WDR70: variants seen among roughly 807,000 people sequenced by gnomAD.
The protein encoded by WDR70 is WD repeat-containing protein 70.
A neutral mutation model predicts 88.6 loss-of-function variants in WDR70; 53 were observed. That is an observed-to-expected ratio of 0.60 (90% CI 0.48 to 0.75). WDR70 has a LOEUF of 0.75. WDR70 is among the 30% of genes least tolerant of loss of function. The probability of loss-of-function intolerance (pLI) is 0.00; values close to 1 mark genes in which losing one functional copy is unlikely to be tolerated. For missense variants in WDR70, 610 were observed against 823.2 expected, an observed-to-expected ratio of 0.74 and a Z score of 3.17; for synonymous variants, 280 against 270.0, an observed-to-expected ratio of 1.04 and a Z score of -0.36.
intron 10 of WDR70, among the ~76,000 whole-genome samples, chr5:37,625,559 CTG>C (rs759847955): frequency 7.9e-5 from 12 of 152,184 alleles, no homozygotes; most frequent in Non-Finnish European, 1.3e-4. Context: ...GAGTGTCACT[CTG>C]TCACTTAGGC....
Position 37,703,055 on chromosome 5 carries a change from C to G in WDR70, c.1384C>G (p.Gln462Glu), listed in dbSNP as rs772517168. 10 of 1,613,310 alleles carry G rather than the reference C, an allele frequency of 6.2e-6. No individual in the cohort carries two copies. The South Asian group carries it at 9.9e-5, about 16-fold the overall frequency. The change falls in exon 13 of 18, where the codon CAA becomes GAA. Residue 462 changes from glutamine (Q) to glutamate (E), a missense_variant. Gln to Glu is a conservative substitution (Grantham distance 29). Transcript: ENST00000265107. ...KLVFFERRTF[Q>E]RVYEIDITDA... ...TGTTTTCTTTGAGCGTAGGACTTTCCAAAGGGTGTATGAAATAGACATCAC... is the reference window on the plus strand; with the variant it reads ...TGTTTTCTTTGAGCGTAGGACTTTCGAAAGGGTGTATGAAATAGACATCAC...
chr5:37,689,970 G>T (rs1388535333), intron 10 of WDR70, among the ~76,000 whole-genome samples: 1 of 152,178 alleles, frequency 6.6e-6, no homozygotes, highest in Non-Finnish European at 1.5e-5. Flanking sequence ...TCGAAAAAAG[G>T]TTAGACGAAT....
chr5:37,560,227 G>T (rs2112373354), intron 9 of WDR70, among the ~76,000 whole-genome samples: 1 of 152,184 alleles, frequency 6.6e-6, no homozygotes, highest in East Asian at 1.9e-4. Context: ...ATTATAAATT[G>T]CTAATGTTGT....
intron 5 of WDR70, among the ~76,000 whole-genome samples, chr5:37,396,998 C>T (rs1749035474): frequency 1.3e-5 from 2 of 152,062 alleles, no homozygotes; most frequent in South Asian, 2.1e-4. Flanking sequence ...AAAAATTAGA[C>T]GGGTGTTATG....
At chr5:37,397,923 G>A (rs1355321888) in intron 5 of WDR70, among the ~76,000 whole-genome samples, 1 of 151,342 alleles carries the variant, frequency 6.6e-6, no homozygotes, top group African/African-American at 2.4e-5. Context: ...TTGAACCCGG[G>A]AGACAGAGGT....
rs993000396 is a variant in WDR70, at chr5:37,516,494, C to T, written c.841-20C>T. 7 of 1,501,812 alleles carry T rather than the reference C, an allele frequency of 4.7e-6. No homozygotes were observed. Among genetic ancestry groups the T allele is most frequent in the African/African-American group, 4.1e-5 (3 of 72,366 alleles). 93.0% of individuals were successfully genotyped at this position (1,501,812 alleles called of 1,614,324 possible). A position where few individuals can be genotyped will look rare whatever the true frequency, so the allele number is the denominator to read the frequency against. On this transcript the variant is annotated intron_variant, in intron 8 of 17. Transcript: ENST00000265107. Reference sequence around the variant, plus strand: ...ACCTTTTTAAAACATCTTTTTTTCCCCTTTGTCTTTATTTTTAAGGGTCAT... The same window carrying T: ...ACCTTTTTAAAACATCTTTTTTTCCTCTTTGTCTTTATTTTTAAGGGTCAT...
intron 5 of WDR70, among the ~76,000 whole-genome samples, chr5:37,429,764 AC>A: frequency 6.6e-6 from 1 of 152,352 alleles, no homozygotes; most frequent in South Asian, 2.1e-4. Flanking sequence ...ATAGCTCTAT[AC>A]ATGAAATCAT....
intron 9 of WDR70, among the ~76,000 whole-genome samples, chr5:37,525,968 T>A (rs1741256568): frequency 6.6e-6 from 1 of 152,014 alleles, no homozygotes; most frequent in Non-Finnish European, 1.5e-5. Context: ...CAATAACAGT[T>A]TCTGAAATTG....
At chr5:37,598,645 A>G (rs548407626) in intron 9 of WDR70, among the ~76,000 whole-genome samples, 1 of 152,334 alleles carries the variant, frequency 6.6e-6, no homozygotes, top group South Asian at 2.1e-4. Flanking sequence ...ATAGTGACCA[A>G]TTACACTATG....
chr5:37,435,614 A>G (rs574903677), intron 5 of WDR70, among the ~76,000 whole-genome samples: 1 of 152,260 alleles, frequency 6.6e-6, no homozygotes, highest in Admixed American at 6.5e-5. Flanking sequence ...AACTACCTTT[A>G]TTTCTGTATT....
intron 9 of WDR70, among the ~76,000 whole-genome samples, chr5:37,588,265 A>G (rs1357495285): frequency 6.6e-6 from 1 of 152,152 alleles, no homozygotes; most frequent in East Asian, 1.9e-4. Context: ...TGGCATTTGG[A>G]AGGTATATGA....
intron 9 of WDR70, among the ~76,000 whole-genome samples, chr5:37,539,267 C>T (rs1262364450): frequency 6.6e-6 from 1 of 152,076 alleles, no homozygotes; most frequent in East Asian, 1.9e-4. Flanking sequence ...GTTGCCATAA[C>T]ATTTTGGGGA....
chr5:37,550,181 A>C (rs1742103786), intron 9 of WDR70, among the ~76,000 whole-genome samples: 1 of 152,182 alleles, frequency 6.6e-6, no homozygotes, highest in African/African-American at 2.4e-5. Flanking sequence ...GTTGAATTTT[A>C]GCAAATTGAT....
intron 9 of WDR70, among the ~76,000 whole-genome samples, chr5:37,546,976 G>A (rs549144793): frequency 6.6e-6 from 1 of 152,224 alleles, no homozygotes; most frequent in South Asian, 2.1e-4. Context: ...AGTCTCCAAA[G>A]AGTTGGAGAG....
At chr5:37,540,631 C>T (rs976926825) in intron 9 of WDR70, among the ~76,000 whole-genome samples, 13 of 152,230 alleles carry the variant, frequency 8.5e-5, no homozygotes, top group Admixed American at 2.6e-4. Context: ...CCACCCGCCT[C>T]GGCCTCCCAA....
chr5:37,495,188 G>T (rs1366499899), intron 8 of WDR70, among the ~76,000 whole-genome samples: 3 of 152,146 alleles, frequency 2.0e-5, no homozygotes, highest in Non-Finnish European at 4.4e-5. Flanking sequence ...CAGGAGATTT[G>T]ATAATTCCTG....
intron 8 of WDR70, among the ~76,000 whole-genome samples, chr5:37,482,586 A>G (rs1739707098): frequency 6.6e-6 from 1 of 152,196 alleles, no homozygotes; most frequent in Admixed American, 6.5e-5. Flanking sequence ...AATTATTACA[A>G]TGCAAGGTGA....
intron 8 of WDR70, 133 bp downstream of exon 8, chr5:37,480,120 C>T (rs1739617853): frequency 8.7e-7 from 1 of 1,150,828 alleles, no homozygotes; most frequent in Admixed American, 2.6e-5. Flanking sequence ...TTCTCACAAT[C>T]ATGTGGATTG....
At chr5:37,499,191 G>A (rs1740321488) in intron 8 of WDR70, among the ~76,000 whole-genome samples, 1 of 151,256 alleles carries the variant, frequency 6.6e-6, no homozygotes, top group Non-Finnish European at 1.5e-5. Context: ...TCGGCTCACT[G>A]CAACCTCCAC....
Sources: allele counts gnomAD v4.1 joint callset (sites outside exome capture counted in the v4.1 genomes callset), GRCh38; gene constraint gnomAD v4.1.1; transcripts MANE v1.5; gene names NCBI Gene and HGNC (gene_info 2026-07-23, HGNC 2026-07-21).